PAH: variants seen among roughly 807,000 people sequenced by gnomAD.
PAH encodes phenylalanine-4-hydroxylase.
In PAH, 64 loss-of-function variants were observed where a neutral mutation model predicts 62.0. That is an observed-to-expected ratio of 1.03 (90% confidence interval 0.84 to 1.27). The LOEUF is 1.27. Ranked by LOEUF, PAH falls within the 50% of genes most tolerant of loss-of-function variation. PAH has a pLI of 0.00. For missense variants in PAH, 579 were observed against 542.8 expected (o/e 1.07, Z -0.66); for synonymous variants, 195 against 196.2 (o/e 0.99, Z 0.05).
At chr12:102,856,582 C>G (rs1201879420) in intron 5 of PAH, among the ~76,000 whole-genome samples, 1 of 152,208 alleles carries the variant, frequency 6.6e-6, no homozygotes, top group African/African-American at 2.4e-5. Context: ...GAGGCACCCC[C>G]CAGCAGGGGC....
Position 102,911,724 on chromosome 12 carries a change from A to G in PAH, c.168+1067T>C, listed in dbSNP as rs538214236. Among the ~76,000 whole-genome samples, 12 of 152,258 alleles carry G rather than the reference A, an allele frequency of 7.9e-5. No individual in the cohort carries two copies. In the East Asian group the frequency reaches 2.3e-3, roughly 29 times the overall value. On this transcript the variant is annotated intron_variant, in intron 2 of 12. Transcript: ENST00000553106. The stretch of plus-strand genomic sequence containing the variant: ...GTCCCCCATCTTCCTCCCCACCCAC[A>G]GTGCTGAGAACATCATAGGTTTTCA...
chr12:102,920,488 C>G (rs183498803), upstream of PAH, among the ~76,000 whole-genome samples: 159 of 152,316 alleles, frequency 1.0e-3, 5 homozygotes, highest in East Asian at 0.027. Context: ...GATTACCCAA[C>G]CATTGCAGGT....
chr12:102,846,494 C>G (rs1565843537), intron 9 of PAH, among the ~76,000 whole-genome samples: 1 of 152,198 alleles, frequency 6.6e-6, no homozygotes, highest in Admixed American at 6.5e-5. Context: ...AGCCCACCCC[C>G]ATTTCTCCCT....
At chr12:102,906,031 A>G (rs1408496886) in intron 2 of PAH, among the ~76,000 whole-genome samples, 2 of 152,216 alleles carry the variant, frequency 1.3e-5, no homozygotes, top group Non-Finnish European at 2.9e-5. Flanking sequence ...TCGGTAAGAA[A>G]AAGGCACATT....
chr12:102,916,046 T>C, intron 1 of PAH, among the ~76,000 whole-genome samples: 1 of 152,150 alleles, frequency 6.6e-6, no homozygotes, highest in African/African-American at 2.4e-5. Context: ...ATGTGCAGGA[T>C]GGAGCCAGGA....
upstream of PAH, chr12:102,950,857 T>C (rs1341851053): frequency 6.6e-6 from 1 of 152,106 alleles, no homozygotes; most frequent in Non-Finnish European, 1.5e-5. Flanking sequence ...GAATGAACTT[T>C]CCGCGCAGGT....
At chr12:102,954,524 A>C (rs886318958), upstream of PAH, among the ~76,000 whole-genome samples, 1 of 152,206 alleles carries the variant, frequency 6.6e-6, no homozygotes, top group Non-Finnish European at 1.5e-5. Flanking sequence ...TACTATAATT[A>C]CTGGCATAGG....
intron 1 of PAH, among the ~76,000 whole-genome samples, chr12:102,940,720 A>C (rs1879257752): frequency 6.6e-6 from 1 of 152,236 alleles, no homozygotes; most frequent in Non-Finnish European, 1.5e-5. Context: ...AAAGACAGGA[A>C]GAGAGAGCAA....
At chr12:102,906,165 C>T (rs1877967968) in intron 2 of PAH, among the ~76,000 whole-genome samples, 1 of 152,030 alleles carries the variant, frequency 6.6e-6, no homozygotes, top group African/African-American at 2.4e-5. Flanking sequence ...AACAAATTAC[C>T]ATATTTCACT....
At chr12:102,843,592 G>A in intron 11 of PAH, 54 bp downstream of exon 11, 1 of 1,602,274 alleles carries the variant, frequency 6.2e-7, no homozygotes, top group East Asian at 2.2e-5. Context: ...ACAGATGAGT[G>A]GCACCAGTCA....
chr12:102,844,378 CT>C lies in PAH; in HGVS notation c.1022del (p.Lys341ArgfsTer59). The part of the protein sequence containing the change: ...FGLCKQGDSI[K>X]AYGAGLLSSF... ...ATGACAGGAGCCCAGCACCATATGC[CT>C]TTATGGAGTCTCCTTGTTTGCAGAG... On this transcript the variant is annotated frameshift_variant, in exon 10 of 13. Transcript: ENST00000553106. LOFTEE classifies it high-confidence loss of function. 6.2e-7 allele frequency: 1 copy of C among 1,613,904 alleles called. No individual in the cohort carries two copies. The highest frequency in any genetic ancestry group is 8.5e-7 in the Non-Finnish European group (1 of 1,179,834).
At chr12:102,940,621 G>A (rs1589518) in intron 1 of PAH, among the ~76,000 whole-genome samples, 4,812 of 152,154 alleles carry the variant, frequency 0.032, 265 homozygotes, top group African/African-American at 0.11. Context: ...ACAAAAATAA[G>A]GAAAAACAAA....
At chr12:102,895,974 C>A (rs543940412) in intron 2 of PAH, among the ~76,000 whole-genome samples, 16 of 151,370 alleles carry the variant, frequency 1.1e-4, no homozygotes, top group African/African-American at 3.9e-4. Flanking sequence ...ATCCTTCTAG[C>A]GGCTTGGGAT....
chr12:102,870,915 G>T (rs376402337), intron 4 of PAH, among the ~76,000 whole-genome samples: 13 of 152,146 alleles, frequency 8.5e-5, no homozygotes, highest in African/African-American at 2.2e-4. Flanking sequence ...GTACCTAGTT[G>T]CCCAAGCCCA....
intron 3 of PAH, among the ~76,000 whole-genome samples, chr12:102,881,563 G>A (rs1005531275): frequency 6.6e-6 from 1 of 152,052 alleles, no homozygotes; most frequent in Non-Finnish European, 1.5e-5. Context: ...TGACCCCCCA[G>A]TACTTGCTCA....
At chr12:102,864,462 T>G (rs1228757684) in intron 5 of PAH, among the ~76,000 whole-genome samples, 1 of 152,182 alleles carries the variant, frequency 6.6e-6, no homozygotes, top group Non-Finnish European at 1.5e-5. Context: ...ACTGCTTTCC[T>G]GGGAAAAGCA....
intron 1 of PAH, among the ~76,000 whole-genome samples, chr12:102,932,351 A>G (rs1244743053): frequency 1.3e-5 from 2 of 152,228 alleles, no homozygotes; most frequent in Non-Finnish European, 2.9e-5. Flanking sequence ...AATATCAACT[A>G]CAATGAACAT....
chr12:102,894,708 A>T, intron 3 of PAH, 27 bp downstream of exon 3: 1 of 1,581,070 alleles, frequency 6.3e-7, no homozygotes, highest in South Asian at 1.1e-5. Flanking sequence ...GGAGTTACTT[A>T]TGTTGCAAAA....
rs532432176 is a variant in PAH, at chr12:102,860,149, A to G, written c.510-4817T>C. 2.1e-3 allele frequency among the ~76,000 whole-genome samples: 320 copies of G among 152,358 alleles called. 2 individuals carry two copies. Among genetic ancestry groups the G allele is most frequent in the African/African-American group, 7.3e-3 (303 of 41,588 alleles). ...AGCAAAGTCTCAGGATACAAAATCA[A>G]TGTGCAAAAATCACAAGCATTCTTA... is the stretch of plus-strand genomic sequence containing the variant. On this transcript the variant is annotated intron_variant, in intron 5 of 12. Coordinates refer to ENST00000553106, the MANE Select transcript of PAH (RefSeq NM_000277.3).
Sources: gnomAD v4.1 joint callset for allele counts (sites outside exome capture counted in the v4.1 genomes callset) on GRCh38, gnomAD v4.1.1 for gene constraint, MANE v1.5 for transcripts, NCBI Gene and HGNC (gene_info 2026-07-23, HGNC 2026-07-21) for gene names.